NRG1: variants seen among roughly 807,000 people sequenced by gnomAD.
NRG1 encodes the protein pro-neuregulin-1, membrane-bound isoform.
Under a neutral mutation model 63.8 loss-of-function variants are expected in NRG1, and 18 were observed. The ratio of observed to expected loss-of-function variants is 0.28; its 90% CI spans 0.19 to 0.42. NRG1 has a LOEUF of 0.42. NRG1 is among the 10% of genes least tolerant of loss of function. The pLI, the probability that NRG1 is intolerant of heterozygous loss-of-function variation, is 1.00. For synonymous variants in NRG1, 302 were observed against 301.3 expected, an observed-to-expected ratio of 1.00 and a Z score of -0.02; for missense variants, 762 against 814.7, an observed-to-expected ratio of 0.94 and a Z score of 0.79.
chr8:31,845,889 C>T (rs560456915), intron 1 of NRG1, among the ~76,000 whole-genome samples: 10 of 152,224 alleles, frequency 6.6e-5, no homozygotes, highest in South Asian at 6.2e-4. Context: ...GATCTGTTTA[C>T]GAGACCTCAC....
intron 1 of NRG1, among the ~76,000 whole-genome samples, chr8:32,529,939 T>C (rs1016582573): frequency 1.8e-4 from 28 of 152,164 alleles, no homozygotes; most frequent in Non-Finnish European, 3.7e-4. Context: ...ACATAGTCAT[T>C]TAGTGTCATT....
intron 1 of NRG1, among the ~76,000 whole-genome samples, chr8:32,133,519 T>C (rs1835122417): frequency 6.6e-6 from 1 of 152,192 alleles, no homozygotes; most frequent in Non-Finnish European, 1.5e-5. Context: ...AAATAGCTAT[T>C]GGTTTGGATA....
chr8:32,457,300 C>A (rs1422569269), intron 1 of NRG1, among the ~76,000 whole-genome samples: 4 of 152,132 alleles, frequency 2.6e-5, no homozygotes, highest in African/African-American at 4.8e-5. Context: ...ATACAGTAAG[C>A]AGAACACATG....
chr8:31,832,544 C>A (rs1235552063), intron 1 of NRG1, among the ~76,000 whole-genome samples: 1 of 152,154 alleles, frequency 6.6e-6, no homozygotes, highest in Non-Finnish European at 1.5e-5. Flanking sequence ...CAGGCATGAG[C>A]CATCGTGCCC....
At chr8:31,756,503 C>G (rs1434991511) in intron 1 of NRG1, among the ~76,000 whole-genome samples, 1 of 152,080 alleles carries the variant, frequency 6.6e-6, no homozygotes, top group Non-Finnish European at 1.5e-5. Flanking sequence ...CACTGTCTGC[C>G]CATCATGGAA....
At chr8:31,853,728 G>C (rs1586821754) in intron 1 of NRG1, among the ~76,000 whole-genome samples, 2 of 151,240 alleles carry the variant, frequency 1.3e-5, no homozygotes, top group Admixed American at 6.6e-5. Flanking sequence ...TGCCCATTCA[G>C]TATGATATTG....
intron 1 of NRG1, among the ~76,000 whole-genome samples, chr8:31,925,489 A>T (rs185598171): frequency 6.6e-6 from 1 of 152,108 alleles, no homozygotes; most frequent in Admixed American, 6.5e-5. Flanking sequence ...CAGGATTCTC[A>T]ATTCTATATT....
At chr8:32,092,658 A>G (rs1313844809) in intron 1 of NRG1, among the ~76,000 whole-genome samples, 1 of 151,970 alleles carries the variant, frequency 6.6e-6, no homozygotes, top group Non-Finnish European at 1.5e-5. Flanking sequence ...GTAATTTTTC[A>G]TGTTCAGCAC....
chr8:32,690,822 G>T (rs1324857842), intron 5 of NRG1, among the ~76,000 whole-genome samples: 1 of 151,918 alleles, frequency 6.6e-6, no homozygotes, highest in Non-Finnish European at 1.5e-5. Flanking sequence ...GAAAGAATTA[G>T]AAATTTAAGG....
chr8:32,280,714 T>TTTTTTTTC (rs1852660955), intron 1 of NRG1, among the ~76,000 whole-genome samples: 1 of 126,156 alleles, frequency 7.9e-6, no homozygotes, highest in Non-Finnish European at 1.7e-5. Context: ...TTTTTTTTTT[T>TTTTTTTTC]CAGATAAACC....
Position 32,137,394 on chromosome 8 carries a change from A to T in NRG1, c.38-458434A>T, listed in dbSNP as rs1015395208. Among the ~76,000 whole-genome samples the T allele has an allele frequency of 2.0e-5, 3 of 152,164 alleles. No individual in the cohort carries two copies. In the South Asian group the frequency reaches 6.2e-4, roughly 32 times the overall value. Reference sequence around the variant, plus strand: ...GAGGCCAAGGTTGCAATGAGCCGAGATTGCACCACTGTACTCTAGCCTGGG... The same window carrying T: ...GAGGCCAAGGTTGCAATGAGCCGAGTTTGCACCACTGTACTCTAGCCTGGG... On this transcript the variant is annotated intron_variant, in intron 1 of 10. Transcript: ENST00000519301.
At chr8:32,367,029 A>T (rs867578025) in intron 1 of NRG1, among the ~76,000 whole-genome samples, 1 of 151,980 alleles carries the variant, frequency 6.6e-6, no homozygotes, top group Non-Finnish European at 1.5e-5. Context: ...TTCTTTATCC[A>T]TTCATCCATT....
chr8:31,996,922 G>A (rs564358633), intron 1 of NRG1, among the ~76,000 whole-genome samples: 17 of 152,010 alleles, frequency 1.1e-4, no homozygotes, highest in African/African-American at 3.1e-4. Context: ...TCTACTAAGG[G>A]GGGGTGGGAT....
At chr8:32,773,571 G>A (rs540807409) in intron 7 of NRG1, among the ~76,000 whole-genome samples, 2 of 152,238 alleles carry the variant, frequency 1.3e-5, no homozygotes, top group South Asian at 4.1e-4. Flanking sequence ...AATGGTGATT[G>A]TACCACTGAC....
At chr8:32,180,588 T>C (rs1057251791) in intron 1 of NRG1, among the ~76,000 whole-genome samples, 2 of 152,148 alleles carry the variant, frequency 1.3e-5, no homozygotes, top group African/African-American at 4.8e-5. Context: ...AAATCACAAG[T>C]ACTGTTAATA....
At chr8:32,637,490 C>T (rs1299414452) in intron 5 of NRG1, among the ~76,000 whole-genome samples, 1 of 152,158 alleles carries the variant, frequency 6.6e-6, no homozygotes, top group East Asian at 1.9e-4. Flanking sequence ...ACTCCTTCCC[C>T]TGTCCCAGGC....
At chr8:31,661,776 T>C (rs1427075132) in intron 1 of NRG1, among the ~76,000 whole-genome samples, 1 of 152,220 alleles carries the variant, frequency 6.6e-6, no homozygotes, top group Non-Finnish European at 1.5e-5. Context: ...AGAAAAAGTC[T>C]TTGACATAGC....
chr8:32,470,065 G>T (rs1174730901), intron 1 of NRG1, among the ~76,000 whole-genome samples: 1 of 144,586 alleles, frequency 6.9e-6, no homozygotes, highest in Non-Finnish European at 1.5e-5. Context: ...TAGAGACGGG[G>T]TTTCACCATG....
chr8:32,123,531 GC>G (rs1416153863), intron 1 of NRG1, among the ~76,000 whole-genome samples: 1 of 151,146 alleles, frequency 6.6e-6, no homozygotes, highest in African/African-American at 2.4e-5. Flanking sequence ...TTCATTAGCA[GC>G]GTGAGAACAG....
Sources: allele counts gnomAD v4.1 joint callset (sites outside exome capture counted in the v4.1 genomes callset), GRCh38; gene constraint gnomAD v4.1.1; transcripts MANE v1.5; gene names NCBI Gene and HGNC (gene_info 2026-07-23, HGNC 2026-07-21).